The following KIAA1549 variants were observed in gnomAD, a reference collection of about 807,000 sequenced individuals.
KIAA1549 encodes the protein UPF0606 protein KIAA1549.
Under a neutral mutation model 156.4 loss-of-function variants are expected in KIAA1549, and 70 were observed. The observed-to-expected ratio is 0.45, with a 90% CI of 0.37 to 0.55. KIAA1549 has a LOEUF of 0.55. Ranked by LOEUF, KIAA1549 falls within the 20% of genes least tolerant of loss-of-function variation. The pLI, the probability that KIAA1549 is intolerant of heterozygous loss-of-function variation, is 0.00. For missense variants in KIAA1549, 2,428 were observed against 2,540.9 expected, an observed-to-expected ratio of 0.96 and a Z score of 0.96; for synonymous variants, 1,103 against 1,066.4, an observed-to-expected ratio of 1.03 and a Z score of -0.67.
intron 1 of KIAA1549, among the ~76,000 whole-genome samples, chr7:138,962,698 G>A (rs983745679): frequency 6.6e-6 from 1 of 152,156 alleles, no homozygotes. Flanking sequence ...CCCCAGCTGA[G>A]TTTCATGGAG....
intron 1 of KIAA1549, among the ~76,000 whole-genome samples, chr7:138,956,853 C>T (rs574228059): frequency 3.5e-4 from 53 of 152,298 alleles, no homozygotes; most frequent in Admixed American, 3.3e-3. Context: ...TACACACCCA[C>T]CCACTTAGTG....
In KIAA1549 at chr7:138,981,234, G is replaced by T; in HGVS notation, c.36C>A (p.Ala12=). 1 of 992,146 alleles carries T rather than the reference G, an allele frequency of 1.0e-6. No individual in the cohort carries two copies. The highest frequency in any genetic ancestry group is 4.5e-5 in the South Asian group (1 of 22,108). The allele number at this position is 992,146 out of a possible 1,614,324, so 61.5% of individuals were successfully genotyped here. A position where few individuals can be genotyped will look rare whatever the true frequency, so the allele number is the denominator to read the frequency against. ...CCCCGGCGCGGGGCTTCCCCTCCAT[G>T]GCCGCGCCTCGGCGTCGGCGCCGCG... ...PGARRRRRGA[A]MEGKPRAGVA... The change falls in exon 1 of 20, where the codon GCC becomes GCA. Residue 12 remains alanine (A), a synonymous_variant. Coordinates refer to ENST00000422774, the MANE Select transcript of KIAA1549 (RefSeq NM_001164665.2). The surrounding 1 kb of genome is among the most constrained non-coding windows in gnomAD (Gnocchi z 4.5).
chr7:138,863,518 C>A (rs372952312), intron 15 of KIAA1549, among the ~76,000 whole-genome samples: 91 of 152,142 alleles, frequency 6.0e-4, no homozygotes, highest in African/African-American at 2.2e-3. Flanking sequence ...AAACTAGTAA[C>A]CCCACAGTCA....
intron 16 of KIAA1549, among the ~76,000 whole-genome samples, chr7:138,858,898 C>T (rs1047212590): frequency 1.3e-5 from 2 of 151,810 alleles, no homozygotes; most frequent in African/African-American, 2.4e-5. Context: ...CCCAGCTACT[C>T]GGGAGGCTGA....
chr7:138,922,137 GTA>G (rs1812581946), intron 1 of KIAA1549, among the ~76,000 whole-genome samples: 1 of 152,176 alleles, frequency 6.6e-6, no homozygotes, highest in Non-Finnish European at 1.5e-5. Flanking sequence ...CAAGGGAAAA[GTA>G]TATGTCTCAG....
chr7:138,953,927 T>C (rs1813580070), intron 1 of KIAA1549, among the ~76,000 whole-genome samples: 2 of 152,248 alleles, frequency 1.3e-5, no homozygotes, highest in South Asian at 4.1e-4. Flanking sequence ...CAGTATTTTT[T>C]CTTCATGATC....
At position 138,904,895 on chromosome 7, in the gene KIAA1549, T is replaced by TGAA. The variant is rs1207136745; in HGVS notation, c.3520+126_3520+127insTTC. On this transcript the variant is annotated intron_variant, in intron 7 of 19. Coordinates refer to ENST00000422774, the MANE Select transcript of KIAA1549 (RefSeq NM_001164665.2). ...AATTTGAATCCCTTTCCATTCATTC[T>TGAA]TTGCCAAGAATGTAAGGTACATTTT... 3 of 615,672 alleles carry TGAA rather than the reference T, an allele frequency of 4.9e-6. No homozygotes were observed. The East Asian group carries it at 8.6e-5, about 18-fold the overall frequency. The allele number at this position is 615,672 out of a possible 1,614,324, so 38.1% of individuals were successfully genotyped here.
At chr7:138,876,156 T>A (rs1811079843) in intron 12 of KIAA1549, among the ~76,000 whole-genome samples, 1 of 152,222 alleles carries the variant, frequency 6.6e-6, no homozygotes, top group Non-Finnish European at 1.5e-5. Flanking sequence ...GATGACTCAA[T>A]GACTACAGTC....
At chr7:138,888,008 C>A (rs1811447659) in intron 10 of KIAA1549, among the ~76,000 whole-genome samples, 1 of 152,200 alleles carries the variant, frequency 6.6e-6, no homozygotes, top group Non-Finnish European at 1.5e-5. Context: ...GGCATTGTCT[C>A]ATTTCATCCA....
chr7:138,906,866 A>C (rs965807459), intron 6 of KIAA1549, 53 bp downstream of exon 6: 4 of 1,317,742 alleles, frequency 3.0e-6, no homozygotes, highest in African/African-American at 3.0e-5. Flanking sequence ...GAGGTCTTCC[A>C]CCAAAAATGC....
intron 1 of KIAA1549, among the ~76,000 whole-genome samples, chr7:138,966,830 T>C (rs1814038442): frequency 6.6e-6 from 1 of 152,124 alleles, no homozygotes; most frequent in Admixed American, 6.6e-5. Context: ...AGGCCTGGAA[T>C]AGATCCTTCT....
At chr7:138,899,410 G>A (rs913376914) in intron 8 of KIAA1549, among the ~76,000 whole-genome samples, 2 of 152,132 alleles carry the variant, frequency 1.3e-5, no homozygotes, top group South Asian at 2.1e-4. Flanking sequence ...CAGGGCTGGC[G>A]AGTCCAGGTG....
At chr7:138,888,655 T>C (rs1011329001) in intron 10 of KIAA1549, among the ~76,000 whole-genome samples, 2 of 152,228 alleles carry the variant, frequency 1.3e-5, no homozygotes, top group South Asian at 2.1e-4. Flanking sequence ...AAGCAAATCA[T>C]TGATGTATGT....
intron 16 of KIAA1549, 23 bp from the exon 17 acceptor site, chr7:138,852,292 T>C: frequency 6.5e-7 from 1 of 1,547,704 alleles, no homozygotes; most frequent in Non-Finnish European, 8.9e-7. Context: ...CAAAAGAACA[T>C]GAAGATTAAT....
At position 138,883,119 on chromosome 7, in the gene KIAA1549, T is replaced by TAAAAAA. The variant is rs1811294025; in HGVS notation, c.4033-1536_4033-1535insTTTTTT. 2.0e-4 allele frequency among the ~76,000 whole-genome samples: 13 copies of TAAAAAA among 63,490 alleles called. 2 individuals carry two copies. Among genetic ancestry groups the TAAAAAA allele is most frequent in the African/African-American group, 5.2e-4 (5 of 9,556 alleles). 41.7% of individuals were successfully genotyped at this position (63,490 alleles called of 152,430 possible). A position where few individuals can be genotyped will look rare whatever the true frequency, so the allele number is the denominator to read the frequency against. ...AAAAAAAAAAAAAAAAAAAAAAAAT[T>TAAAAAA]CAGCCAGACATGGTATGGTGGTGCA... On this transcript the variant is annotated intron_variant, in intron 10 of 19. Coordinates refer to ENST00000422774, the MANE Select transcript of KIAA1549 (RefSeq NM_001164665.2).
In KIAA1549 at chr7:138,918,009, G is replaced by A. The variant is rs1400033388; in HGVS notation, c.1617C>T (p.Gly539=). The part of the protein sequence containing the change: ...SVPASLDPTA[G]SLSVAETQVT... ...CTTGGGTTTCAGCAACAGACAAGGA[G>A]CCAGCAGTAGGATCAAGTGACGCCG... The change falls in exon 2 of 20, where the codon GGC becomes GGT. Residue 539 remains glycine (G), a synonymous_variant. Transcript: ENST00000422774. The surrounding 1 kb of genome is among the most constrained non-coding windows in gnomAD (Gnocchi z 4.2). 1.2e-6 allele frequency: 2 copies of A among 1,603,504 alleles called. No homozygotes were observed. Among genetic ancestry groups the A allele is most frequent in the Admixed American group, 1.7e-5 (1 of 57,730 alleles).
At chr7:138,941,238 T>C (rs914946863) in intron 1 of KIAA1549, among the ~76,000 whole-genome samples, 3 of 152,344 alleles carry the variant, frequency 2.0e-5, no homozygotes, top group African/African-American at 7.2e-5. Flanking sequence ...TTCTGTACCA[T>C]TCTTTAAAAA....
intron 17 of KIAA1549, among the ~76,000 whole-genome samples, chr7:138,850,715 T>C (rs1328962664): frequency 6.6e-6 from 1 of 152,164 alleles, no homozygotes; most frequent in African/African-American, 2.4e-5. Context: ...TTAGATCCCA[T>C]ATGTCAATTT....
intron 8 of KIAA1549, among the ~76,000 whole-genome samples, chr7:138,900,620 GGGGAGCCTAATGGGAGGT>G (rs1811814518): frequency 6.6e-6 from 1 of 152,156 alleles, no homozygotes. Context: ...GATGGTGGTG[GGGGAGCCTAATGGGAGGT>G]ATCTGAGTCA....
Sources: allele counts gnomAD v4.1 joint callset (sites outside exome capture counted in the v4.1 genomes callset), GRCh38; gene constraint gnomAD v4.1.1; non-coding constraint Gnocchi (gnomAD v3.1); transcripts MANE v1.5; gene names NCBI Gene and HGNC (gene_info 2026-07-23, HGNC 2026-07-21).